Variants in LYPLAL1 observed in about 807,000 individuals in gnomAD.
The protein encoded by LYPLAL1 is lysophospholipase like 1.
In LYPLAL1, 23 loss-of-function variants were observed where a neutral mutation model predicts 19.7. The observed-to-expected ratio is 1.17, with a 90% CI of 0.84 to 1.65. The LOEUF is 1.65. Ranked by LOEUF, LYPLAL1 falls within the 40% of genes most tolerant of loss-of-function variation. The pLI is 0.00. For missense variants in LYPLAL1, 355 were observed against 279.4 expected (o/e 1.27, Z -1.93); for synonymous variants, 119 against 96.3 (o/e 1.24, Z -1.38).
the LYPLAL1 span, among the ~76,000 whole-genome samples, chr1:219,234,921 T>A: frequency 1.3e-5 from 2 of 152,180 alleles, no homozygotes; most frequent in African/African-American, 4.8e-5. Flanking sequence ...CTTTTAAAAA[T>A]TTTTTAAGTT....
At position 219,212,002 on chromosome 1, in the gene LYPLAL1, TAATATA is replaced by T. The variant is rs1190544368; in HGVS notation, c.*279_*284del. ...ATTTTTGAAATAAAGTATTCTAAAC[TAATATA>T]AATAAGGACAATGAAAAAACATGAA... On this transcript the variant is annotated 3_prime_UTR_variant, in exon 5 of 5. Transcript: ENST00000366928. 6 of 233,594 alleles carry T rather than the reference TAATATA, an allele frequency of 2.6e-5. No homozygotes were observed. The highest frequency in any genetic ancestry group is 5.0e-5 in the Non-Finnish European group (6 of 121,172). The allele number at this position is 233,594 out of a possible 1,614,324, so 14.5% of individuals were successfully genotyped here. A position where few individuals can be genotyped will look rare whatever the true frequency, so the allele number is the denominator to read the frequency against.
At chr1:219,294,279 C>A in the LYPLAL1 span, among the ~76,000 whole-genome samples, 1 of 152,204 alleles carries the variant, frequency 6.6e-6, no homozygotes, top group East Asian at 1.9e-4. Context: ...TCCTTGGCTT[C>A]CCTTACTCAA....
the LYPLAL1 span, among the ~76,000 whole-genome samples, chr1:219,400,354 T>C: frequency 1.3e-5 from 2 of 152,160 alleles, no homozygotes; most frequent in Admixed American, 1.3e-4. Context: ...TGTTAAAGAA[T>C]GTGTCACCCA....
chr1:219,360,343 T>A, the LYPLAL1 span, among the ~76,000 whole-genome samples: 2 of 152,156 alleles, frequency 1.3e-5, no homozygotes, highest in African/African-American at 2.4e-5. Context: ...TGAGACCATC[T>A]CTTCTTGGAG....
the LYPLAL1 span, among the ~76,000 whole-genome samples, chr1:219,299,842 T>C: frequency 2.0e-5 from 3 of 152,196 alleles, no homozygotes; most frequent in Non-Finnish European, 2.9e-5. Context: ...TAGTTTTTTC[T>C]TGAAGCTGAT....
At chr1:219,225,848 G>A in the LYPLAL1 span, among the ~76,000 whole-genome samples, 1 of 152,132 alleles carries the variant, frequency 6.6e-6, no homozygotes. Context: ...TGCACAGACA[G>A]ATAGACACAC....
chr1:219,417,820 CG>C, the LYPLAL1 span, among the ~76,000 whole-genome samples: 3 of 152,246 alleles, frequency 2.0e-5, no homozygotes, highest in African/African-American at 7.2e-5. Context: ...CAAGGCATGT[CG>C]GGCAGTCATC....
the LYPLAL1 span, among the ~76,000 whole-genome samples, chr1:219,375,490 TAAAAA>T: frequency 8.0e-5 from 3 of 37,466 alleles, no homozygotes; most frequent in African/African-American, 2.0e-4. Context: ...AAACTCCTTC[TAAAAA>T]AAAAAAAAAA....
the LYPLAL1 span, among the ~76,000 whole-genome samples, chr1:219,363,206 C>A: frequency 6.6e-6 from 1 of 152,146 alleles, no homozygotes; most frequent in African/African-American, 2.4e-5. Context: ...GTCACTGAAA[C>A]TGTTGCTAGG....
At chr1:219,187,412 C>G (rs1449677616) in intron 2 of LYPLAL1, among the ~76,000 whole-genome samples, 1 of 150,364 alleles carries the variant, frequency 6.7e-6, no homozygotes, top group East Asian at 1.9e-4. Flanking sequence ...TTTTTTTTCA[C>G]TGTGGTAATT....
At chr1:219,209,631 G>A (rs543731744) in intron 3 of LYPLAL1, among the ~76,000 whole-genome samples, 12 of 152,094 alleles carry the variant, frequency 7.9e-5, no homozygotes, top group Non-Finnish European at 1.8e-4. Context: ...CTATGAGTGT[G>A]TGGCTACATG....
chr1:219,312,290 A>G, the LYPLAL1 span, among the ~76,000 whole-genome samples: 1 of 152,170 alleles, frequency 6.6e-6, no homozygotes, highest in Non-Finnish European at 1.5e-5. Context: ...GCTTGGATAA[A>G]CTTCACTTTG....
chr1:219,340,603 T>G, the LYPLAL1 span, among the ~76,000 whole-genome samples: 1 of 152,050 alleles, frequency 6.6e-6, no homozygotes, highest in East Asian at 1.9e-4. Context: ...TTTACTGTTC[T>G]TCTCACTTAA....
chr1:219,331,718 A>G, the LYPLAL1 span, among the ~76,000 whole-genome samples: 1 of 152,188 alleles, frequency 6.6e-6, no homozygotes, highest in Non-Finnish European at 1.5e-5. Context: ...TATTGGAGCC[A>G]ACAATCCAAT....
chr1:219,216,946 AGTT>A (rs1351086650), downstream of LYPLAL1, among the ~76,000 whole-genome samples: 1 of 152,142 alleles, frequency 6.6e-6, no homozygotes, highest in East Asian at 1.9e-4. Flanking sequence ...ACAGCTTTCT[AGTT>A]GTTTCAAGTA....
the LYPLAL1 span, among the ~76,000 whole-genome samples, chr1:219,229,038 T>C: frequency 2.2e-4 from 33 of 152,148 alleles, no homozygotes; most frequent in African/African-American, 7.7e-4. Flanking sequence ...TTGAAATAGA[T>C]ATTACTAGTA....
intron 3 of LYPLAL1, among the ~76,000 whole-genome samples, chr1:219,204,313 A>G (rs1325720110): frequency 6.6e-6 from 1 of 152,204 alleles, no homozygotes; most frequent in Non-Finnish European, 1.5e-5. Context: ...ATTCTGAGAA[A>G]ATTATTAATA....
At chr1:219,278,631 T>G in the LYPLAL1 span, among the ~76,000 whole-genome samples, 1 of 152,154 alleles carries the variant, frequency 6.6e-6, no homozygotes, top group Non-Finnish European at 1.5e-5. Flanking sequence ...AAATTCTTTC[T>G]TATCTTTCTC....
the LYPLAL1 span, among the ~76,000 whole-genome samples, chr1:219,280,537 A>T: frequency 6.6e-6 from 1 of 152,186 alleles, no homozygotes; most frequent in South Asian, 2.1e-4. Context: ...ATTTATTGGA[A>T]TCACATTAAC....
Sources: gnomAD v4.1 joint callset for allele counts (sites outside exome capture counted in the v4.1 genomes callset) on GRCh38, gnomAD v4.1.1 for gene constraint, MANE v1.5 for transcripts, NCBI Gene and HGNC (gene_info 2026-07-23, HGNC 2026-07-21) for gene names.